ANKRD27: variants seen among roughly 807,000 people sequenced by gnomAD.
The protein encoded by ANKRD27 is ankyrin repeat domain 27, also known as ankyrin repeat domain-containing protein 27.
ANKRD27 carries 112 observed loss-of-function variants against 129.7 expected under a neutral mutation model. The ratio of observed to expected loss-of-function variants is 0.86; its 90% confidence interval spans 0.74 to 1.01. ANKRD27 has a LOEUF of 1.01. Ranked by LOEUF, ANKRD27 falls within the 50% of genes least tolerant of loss-of-function variation. The probability of loss-of-function intolerance (pLI) is 0.00; values close to 1 mark genes in which losing one functional copy is unlikely to be tolerated. For synonymous variants in ANKRD27, 516 were observed against 511.2 expected, an observed-to-expected ratio of 1.01 and a Z score of -0.13; for missense variants, 1,258 against 1,300.5, an observed-to-expected ratio of 0.97 and a Z score of 0.50.
chr19:32,605,696 C>T, intron 24 of ANKRD27, 139 bp downstream of exon 24: 1 of 1,185,854 alleles, frequency 8.4e-7, no homozygotes, highest in East Asian at 2.7e-5. Context: ...AAGACGCACG[C>T]CCTGCTCCTC....
chr19:32,669,825 C>T (rs1445528491), intron 1 of ANKRD27, among the ~76,000 whole-genome samples: 1 of 151,770 alleles, frequency 6.6e-6, no homozygotes, highest in African/African-American at 2.4e-5. Context: ...GGTGAAACCC[C>T]GTCTCTGCTA....
chr19:32,669,157 C>T (rs765530713), intron 1 of ANKRD27, among the ~76,000 whole-genome samples: 5 of 152,182 alleles, frequency 3.3e-5, no homozygotes, highest in Non-Finnish European at 5.9e-5. Flanking sequence ...ACAAGACAGA[C>T]AGCCACACAG....
chr19:32,606,234 C>T (rs1218538606), intron 23 of ANKRD27, among the ~76,000 whole-genome samples: 1 of 151,194 alleles, frequency 6.6e-6, no homozygotes, highest in African/African-American at 2.4e-5. Flanking sequence ...CTTACTCCAG[C>T]CTCCGCCTCC....
chr19:32,661,242 C>T (rs1967640391), intron 1 of ANKRD27, among the ~76,000 whole-genome samples: 1 of 151,020 alleles, frequency 6.6e-6, no homozygotes. Context: ...CACACACACA[C>T]ACACACACAT....
rs559793857 is a variant in ANKRD27, at chr19:32,630,630, C to T, written c.1209+772G>A. ...CGCCCAGCACAGCTACAGCACAGCACGCTGGGGGAGGTGGGGAAACATGCC... is the reference window on the plus strand; with the variant it reads ...CGCCCAGCACAGCTACAGCACAGCATGCTGGGGGAGGTGGGGAAACATGCC... On this transcript the variant is annotated intron_variant, in intron 13 of 28. Transcript: ENST00000306065. Among the ~76,000 whole-genome samples the T allele has an allele frequency of 3.3e-5, 5 of 152,294 alleles. No homozygotes were observed. The East Asian group carries it at 5.8e-4, about 18-fold the overall frequency.
chr19:32,626,036 G>A, intron 16 of ANKRD27, 70 bp from the exon 17 acceptor site: 1 of 1,273,198 alleles, frequency 7.9e-7, no homozygotes, highest in Non-Finnish European at 1.1e-6. Flanking sequence ...TCCAGTCTTA[G>A]CAGGGGGAGG....
Position 32,643,269 on chromosome 19 carries a change from T to A in ANKRD27, c.705+18A>T, listed in dbSNP as rs547189421. The A allele has an allele frequency of 6.2e-7, 1 of 1,614,084 alleles. No homozygotes were observed. The highest frequency in any genetic ancestry group is 1.1e-5 in the South Asian group (1 of 91,080). On this transcript the variant is annotated intron_variant, in intron 8 of 28. Coordinates refer to ENST00000306065, the MANE Select transcript of ANKRD27 (RefSeq NM_032139.3). ...AGAAGAAGGCTTCCATCTTGGGTGA[T>A]AATAACTGAGAACCTACCTCACTTG...
rs1158849493 is a variant in ANKRD27, at chr19:32,597,446, G to A, written c.*699C>T. On this transcript the variant is annotated 3_prime_UTR_variant, in exon 29 of 29. Coordinates refer to ENST00000306065, the MANE Select transcript of ANKRD27 (RefSeq NM_032139.3). ...TCAAGGGAGGTTCTCAACAAAAAGG[G>A]ATGTTTCTAGAAATACTGCTACAGG... 6.6e-6 allele frequency: 1 copy of A among 152,666 alleles called. No homozygotes were observed. Among genetic ancestry groups the A allele is most frequent in the Non-Finnish European group, 1.5e-5 (1 of 68,158 alleles). The allele number at this position is 152,666 out of a possible 1,614,324, so 9.5% of individuals were successfully genotyped here. A position where few individuals can be genotyped will look rare whatever the true frequency, so the allele number is the denominator to read the frequency against.
intron 1 of ANKRD27, among the ~76,000 whole-genome samples, chr19:32,659,697 C>A (rs1967610441): frequency 6.6e-6 from 1 of 151,984 alleles, no homozygotes; most frequent in Non-Finnish European, 1.5e-5. Context: ...AACCTAGCAC[C>A]AGAATTAAGG....
intron 1 of ANKRD27, among the ~76,000 whole-genome samples, chr19:32,668,715 G>C (rs1967808469): frequency 1.3e-5 from 2 of 151,842 alleles, no homozygotes; most frequent in Admixed American, 1.3e-4. Context: ...ACTCCAGGGT[G>C]CTGAGATTAC....
At chr19:32,621,348 T>A (rs376259215) in intron 18 of ANKRD27, among the ~76,000 whole-genome samples, 18 of 152,122 alleles carry the variant, frequency 1.2e-4, no homozygotes, top group East Asian at 7.7e-4. Context: ...ATTTTGGGGC[T>A]GGGCGCAATA....
intron 1 of ANKRD27, among the ~76,000 whole-genome samples, chr19:32,670,259 C>G (rs1432543597): frequency 6.6e-6 from 1 of 152,206 alleles, no homozygotes; most frequent in African/African-American, 2.4e-5. Context: ...CCTCAGTCTT[C>G]TTGGTCACTA....
At chr19:32,656,059 AAAAGAAAG>A (rs752509674) in intron 2 of ANKRD27, among the ~76,000 whole-genome samples, 1,154 of 65,596 alleles carry the variant, frequency 0.018, 10 homozygotes, top group Non-Finnish European at 0.03. Flanking sequence ...GAAAAGAAAG[AAAAGAAAG>A]AAAGAAAGAA....
chr19:32,642,948 C>T lies in ANKRD27; in HGVS notation c.782+175G>A. On this transcript the variant is annotated intron_variant, in intron 9 of 28. Coordinates refer to ENST00000306065, the MANE Select transcript of ANKRD27 (RefSeq NM_032139.3). Reference sequence around the variant, plus strand: ...GCAGTGTGGGAGGGGGACGGCCACACACAGTCACCTATAAAGGGCAGCCCT... The same window carrying T: ...GCAGTGTGGGAGGGGGACGGCCACATACAGTCACCTATAAAGGGCAGCCCT... 3 of 655,314 alleles carry T rather than the reference C, an allele frequency of 4.6e-6. No homozygotes were observed. In the South Asian group the frequency reaches 5.7e-5, roughly 12 times the overall value. 40.6% of individuals were successfully genotyped at this position (655,314 alleles called of 1,614,324 possible). A position where few individuals can be genotyped will look rare whatever the true frequency, so the allele number is the denominator to read the frequency against.
chr19:32,648,968 G>T (rs988713677), intron 3 of ANKRD27, among the ~76,000 whole-genome samples: 26 of 126,358 alleles, frequency 2.1e-4, no homozygotes, highest in Non-Finnish European at 2.9e-4. Context: ...TTTTGGGTTT[G>T]TTTTTTTTTT....
Position 32,644,465 on chromosome 19 carries a change from G to A in ANKRD27, c.385C>T (p.Pro129Ser). The A allele has an allele frequency of 6.2e-7, 1 of 1,613,666 alleles. No individual in the cohort carries two copies. Among genetic ancestry groups the A allele is most frequent in the East Asian group, 2.2e-5 (1 of 44,878 alleles). Reference protein sequence around the residue: ...KRESSEEPLAPSDPFSLKTIE... With the variant: ...KRESSEEPLASSDPFSLKTIE... Reference sequence around the variant, plus strand: ...GTTTTCAGGGAAAAGGGATCTGAGGGTGCCAAAGGCTCTTCTGAAAAAGAA... The same window carrying A: ...GTTTTCAGGGAAAAGGGATCTGAGGATGCCAAAGGCTCTTCTGAAAAAGAA... The change falls in exon 5 of 29, where the codon CCC (proline) becomes TCC (serine). Residue 129 changes from proline to serine, a missense_variant. Transcript: ENST00000306065.
At chr19:32,607,906 G>T in intron 22 of ANKRD27, 74 bp from the exon 23 acceptor site, 1 of 1,453,306 alleles carries the variant, frequency 6.9e-7, no homozygotes, top group Non-Finnish European at 9.4e-7. Flanking sequence ...TTGGCACCAT[G>T]TGCCCCCCAC....
chr19:32,628,301 A>G, intron 14 of ANKRD27, 136 bp from the exon 15 acceptor site: 1 of 701,318 alleles, frequency 1.4e-6, no homozygotes, highest in East Asian at 2.7e-5. Context: ...TGTCTCCGGC[A>G]CTGTCCCAGT....
chr19:32,644,625 AC>A, intron 4 of ANKRD27, 146 bp from the exon 5 acceptor site: 2 of 940,220 alleles, frequency 2.1e-6, no homozygotes, highest in East Asian at 4.9e-5. Context: ...GTTACAGGAC[AC>A]CCTGGAGTCC....
Sources: allele counts gnomAD v4.1 joint callset (sites outside exome capture counted in the v4.1 genomes callset), GRCh38; gene constraint gnomAD v4.1.1; transcripts MANE v1.5; gene names NCBI Gene and HGNC (gene_info 2026-07-23, HGNC 2026-07-21).